The following PORCN variants were observed in gnomAD, a reference collection of about 807,000 sequenced individuals.
PORCN encodes the protein porcupine O-acyltransferase, also known as protein-serine O-palmitoleoyltransferase porcupine.
In PORCN, 1 loss-of-function variant was observed where a neutral mutation model predicts 43.0. That is an observed-to-expected ratio of 0.02 (90% CI 0.01 to 0.11). The LOEUF (loss-of-function observed/expected upper bound fraction) is 0.11, where lower values mean the gene tolerates loss of function less well. PORCN is among the 10% of genes least tolerant of loss of function. The probability of loss-of-function intolerance (pLI) is 1.00; values close to 1 mark genes in which losing one functional copy is unlikely to be tolerated. For missense variants in PORCN, 240 were observed against 392.1 expected (o/e 0.61, Z 3.28); for synonymous variants, 148 against 166.4 (o/e 0.89, Z 0.85).
At chrX:48,518,967 A>G (rs782267680) in intron 14 of PORCN, among the ~76,000 whole-genome samples, 17 of 111,390 alleles carry the variant, frequency 1.5e-4, no homozygotes, top group Non-Finnish European at 2.6e-4. Context: ...GATGCATGCC[A>G]CCACACCTGG....
At position 48,509,482 on chromosome X, in the gene PORCN, A is replaced by G. The variant is rs782506864; in HGVS notation, c.-37-302A>G. The G allele has an allele frequency of 4.5e-5, 44 of 972,834 alleles. No individual in the cohort carries two copies. In the South Asian group the frequency reaches 7.8e-4, roughly 17 times the overall value. 80.2% of individuals were successfully genotyped at this position (972,834 alleles called of 1,213,427 possible). On this transcript the variant is annotated intron_variant, in intron 1 of 14. Coordinates refer to ENST00000326194, the MANE Select transcript of PORCN (RefSeq NM_203475.3). ...TCCCGTCGCCCGCCCCATTTGATAT[A>G]TGGGCCTGAAATGTATGCCATCCCA...
At chrX:48,510,883 C>G (rs1473854701) in intron 2 of PORCN, among the ~76,000 whole-genome samples, 2 of 111,324 alleles carry the variant, frequency 1.8e-5, no homozygotes, top group African/African-American at 6.6e-5. Flanking sequence ...AGTGTGTGGC[C>G]CCTGAGAACA....
intron 3 of PORCN, 47 bp downstream of exon 3, chrX:48,511,534 GGT>G: frequency 9.0e-7 from 1 of 1,112,709 alleles, no homozygotes; most frequent in African/African-American, 1.8e-5. Flanking sequence ...GAAGTGCATG[GGT>G]GGGTCCCCAG....
intron 4 of PORCN, 34 bp downstream of exon 4, chrX:48,511,969 C>T: frequency 1.8e-6 from 2 of 1,138,957 alleles, no homozygotes. Flanking sequence ...CTGCCCAACC[C>T]CCCTGCCCCA....
Position 48,516,135 on chromosome X carries a change from C to G in PORCN, c.1162C>G (p.Gln388Glu). ...SKRCPPDCSH[Q>E]HRLGLGVRAL... ...GCGGTGCCCGCCAGACTGTTCGCAC[C>G]AGCATCGCTTGGTGAGGGTTCAGCC... Residue 388 changes from glutamine (Q) to glutamate (E), a missense_variant, in exon 13 of 15, where the codon CAG becomes GAG. Coordinates refer to ENST00000326194, the MANE Select transcript of PORCN (RefSeq NM_203475.3). 2 of 1,210,779 alleles carry G rather than the reference C, an allele frequency of 1.7e-6. No homozygotes were observed. Among genetic ancestry groups the G allele is most frequent in the Non-Finnish European group, 2.2e-6 (2 of 894,652 alleles).
At chrX:48,512,554 T>G in intron 5 of PORCN, 35 bp from the exon 6 acceptor site, 1 of 1,209,223 alleles carries the variant, frequency 8.3e-7, no homozygotes, top group Non-Finnish European at 1.1e-6. Flanking sequence ...GGAGCCACCC[T>G]GGGGCAGCAC....
At chrX:48,519,733 T>C (rs782262859) in intron 14 of PORCN, among the ~76,000 whole-genome samples, 3 of 112,714 alleles carry the variant, frequency 2.7e-5, no homozygotes, top group African/African-American at 9.7e-5. Context: ...GGGTGGCTCA[T>C]GCCTGTAATC....
Position 48,516,141 on chromosome X carries a change from C to G in PORCN, c.1168C>G (p.Arg390Gly). The G allele has an allele frequency of 8.3e-7, 1 of 1,209,461 alleles. No individual in the cohort carries two copies. The highest frequency in any genetic ancestry group is 1.1e-6 in the Non-Finnish European group (1 of 893,520). ...CCCGCCAGACTGTTCGCACCAGCAT[C>G]GCTTGGTGAGGGTTCAGCCTGGGCA... ...RCPPDCSHQH[R>G]LGLGVRALNL... is the part of the protein sequence containing the mutation. Residue 390 changes from arginine to glycine, a missense_variant, in exon 13 of 15, where the codon CGC becomes GGC. Arg to Gly is a moderately radical substitution (Grantham distance 125, BLOSUM62 -2). Transcript: ENST00000326194.
At chrX:48,511,865 G>A in intron 3 of PORCN, 27 bp from the exon 4 acceptor site, 1 of 1,204,398 alleles carries the variant, frequency 8.3e-7, no homozygotes, top group South Asian at 1.8e-5. Context: ...AGTGTCATGG[G>A]ACCAAGACCA....
In PORCN at chrX:48,515,799, C is replaced by T. The variant is rs1323935669; in HGVS notation, c.1023+6C>T. 8.3e-7 allele frequency: 1 copy of T among 1,202,062 alleles called. No individual in the cohort carries two copies. Among genetic ancestry groups the T allele is most frequent in the East Asian group, 3.0e-5 (1 of 33,740 alleles). On this transcript the variant is annotated splice_donor_region_variant and intron_variant, in intron 11 of 14. Transcript: ENST00000326194. ...CAGCCAGCGCCCTCCTACATGTGAG[C>T]AGGGTGGAGCAGGATCAGGGTGGAA...
chrX:48,516,002 G>T lies in PORCN; in HGVS notation c.1087+49G>T, dbSNP rs782809519. On this transcript the variant is annotated intron_variant, in intron 12 of 14. Transcript: ENST00000326194. ...CGTTGGATAGAAGGTTGGTGGGGGGGCTGGAGACAGCCTCCCCTGAGGCTA... is the reference window on the plus strand; with the variant it reads ...CGTTGGATAGAAGGTTGGTGGGGGGTCTGGAGACAGCCTCCCCTGAGGCTA... The T allele has an allele frequency of 6.7e-6, 8 of 1,199,917 alleles. No homozygotes were observed. In the South Asian group the frequency reaches 1.4e-4, roughly 21 times the overall value.
chrX:48,518,692 G>A lies in PORCN; in HGVS notation c.1284+1399G>A, dbSNP rs1438732148. On this transcript the variant is annotated intron_variant, in intron 14 of 14. Coordinates refer to ENST00000326194, the MANE Select transcript of PORCN (RefSeq NM_203475.3). ...ATTTAAAAATAACATTTATTCATAT[G>A]GCTCTTGCAGAATCCAGGTTTTTGC... Among the ~76,000 whole-genome samples the A allele has an allele frequency of 6.2e-5, 7 of 112,056 alleles. No individual in the cohort carries two copies. In the South Asian group the frequency reaches 1.1e-3, roughly 18 times the overall value.
intron 10 of PORCN, 144 bp from the exon 11 acceptor site, chrX:48,515,573 T>C: frequency 1.9e-6 from 1 of 522,871 alleles, no homozygotes; most frequent in South Asian, 2.5e-5. Context: ...GAGCTGGGCT[T>C]TGGGCATGTG....
chrX:48,512,002 C>A, intron 4 of PORCN, 67 bp downstream of exon 4: 1 of 885,221 alleles, frequency 1.1e-6, no homozygotes, highest in Non-Finnish European at 1.7e-6. Flanking sequence ...TAACTGCCCC[C>A]ACCCTGTGCC....
At chrX:48,509,247 C>T (rs1450241668) in intron 1 of PORCN, 144 bp downstream of exon 1, 3 of 229,133 alleles carry the variant, frequency 1.3e-5, no homozygotes, top group African/African-American at 8.7e-5. Flanking sequence ...ACCACCACCT[C>T]CTTGCAGCCC....
At chrX:48,511,776 G>A (rs782762816) in intron 3 of PORCN, 116 bp from the exon 4 acceptor site, 296 of 710,512 alleles carry the variant, frequency 4.2e-4, no homozygotes, top group Non-Finnish European at 6.3e-4. Context: ...CCATGAGACT[G>A]TTGTAGGACA....
chrX:48,520,463 G>A lies in PORCN; in HGVS notation c.1373G>A (p.Arg458His), dbSNP rs200659583. Residue 458 changes from arginine to histidine, a missense_variant, in exon 15 of 15, where the codon CGT (arginine) becomes CAT (histidine). Physicochemically the swap from Arg to His is conservative, Grantham distance 29. Transcript: ENST00000326194. ...WVTFGCWIFY[R>H]LIG ...ACTTTTGGATGCTGGATCTTCTACC[G>A]TCTCATAGGCTGAGGCACATCTGTG... The A allele has an allele frequency of 3.7e-5, 45 of 1,200,991 alleles. No homozygotes were observed. Among genetic ancestry groups the A allele is most frequent in the Middle Eastern group, 2.3e-4 (1 of 4,334 alleles).
intron 14 of PORCN, 25 bp downstream of exon 14, chrX:48,517,318 G>A: frequency 9.6e-7 from 1 of 1,041,572 alleles, no homozygotes; most frequent in South Asian, 2.0e-5. Context: ...TGGGCTGTGT[G>A]GTTAACCAAG....
rs1200576327 is a variant in PORCN, at chrX:48,517,305, C to T, written c.1284+12C>T. 9 of 1,100,872 alleles carry T rather than the reference C, an allele frequency of 8.2e-6. No individual in the cohort carries two copies. In the Admixed American group the frequency reaches 2.3e-4, roughly 29 times the overall value. 90.7% of individuals were successfully genotyped at this position (1,100,872 alleles called of 1,213,427 possible). On this transcript the variant is annotated intron_variant, in intron 14 of 14. Transcript: ENST00000326194. ...CCACAGAGGAGCAGGTGAGGTGGGG[C>T]CCTGGGCTGTGTGGTTAACCAAGGG...
Sources: gnomAD v4.1 joint callset for allele counts (sites outside exome capture counted in the v4.1 genomes callset) on GRCh38, gnomAD v4.1.1 for gene constraint, MANE v1.5 for transcripts, NCBI Gene and HGNC (gene_info 2026-07-23, HGNC 2026-07-21) for gene names.